ENTREP2: variants seen among roughly 807,000 people sequenced by gnomAD.
ENTREP2 encodes protein ENTREP2.
chr15:29,215,057 C>A, the ENTREP2 span, among the ~76,000 whole-genome samples: 2 of 152,100 alleles, frequency 1.3e-5, no homozygotes. Flanking sequence ...CTCACGATTA[C>A]TGTGTTGCTG....
the ENTREP2 span, among the ~76,000 whole-genome samples, chr15:29,394,031 T>A: frequency 1.3e-5 from 2 of 152,090 alleles, no homozygotes; most frequent in African/African-American, 4.8e-5. Context: ...AAGGATTCCA[T>A]TCACAAAAGC....
the ENTREP2 span, among the ~76,000 whole-genome samples, chr15:29,460,975 T>G: frequency 6.6e-6 from 1 of 152,212 alleles, no homozygotes; most frequent in Admixed American, 6.6e-5. Flanking sequence ...AACAAAAAGC[T>G]TGTCAAGTTA....
At chr15:29,234,315 C>A in the ENTREP2 span, 1 of 1,608,548 alleles carries the variant, frequency 6.2e-7, no homozygotes, top group African/African-American at 1.3e-5. Flanking sequence ...TATATGTAAT[C>A]TGAAGAGTAA....
the ENTREP2 span, among the ~76,000 whole-genome samples, chr15:29,420,651 AAAC>A: frequency 6.3e-3 from 953 of 152,330 alleles, 7 homozygotes; most frequent in Non-Finnish European, 7.2e-3. Flanking sequence ...ATGAAGAAAT[AAAC>A]AACCTAGAGG....
At chr15:29,532,297 T>C in the ENTREP2 span, among the ~76,000 whole-genome samples, 11 of 152,342 alleles carry the variant, frequency 7.2e-5, no homozygotes, top group East Asian at 1.9e-3. Context: ...TTGAAATATA[T>C]TTTACACATA....
the ENTREP2 span, among the ~76,000 whole-genome samples, chr15:29,586,428 T>C: frequency 1.3e-5 from 2 of 152,126 alleles, no homozygotes; most frequent in East Asian, 1.9e-4. Context: ...AAACAATGAA[T>C]TGCGTACACT....
the ENTREP2 span, among the ~76,000 whole-genome samples, chr15:29,445,763 GA>G: frequency 6.6e-6 from 1 of 152,212 alleles, no homozygotes; most frequent in African/African-American, 2.4e-5. Context: ...AGGGAGTTGT[GA>G]GAACCCCAAT....
the ENTREP2 span, chr15:29,128,674 G>A: frequency 9.8e-6 from 8 of 813,984 alleles, no homozygotes; most frequent in Non-Finnish European, 1.7e-5. Context: ...AGTAAGAAAT[G>A]GAGGGAGGAG....
At chr15:29,296,498 C>T in the ENTREP2 span, among the ~76,000 whole-genome samples, 1 of 152,078 alleles carries the variant, frequency 6.6e-6, no homozygotes, top group Non-Finnish European at 1.5e-5. Context: ...TACAAAACTA[C>T]AAAATAACTA....
the ENTREP2 span, among the ~76,000 whole-genome samples, chr15:29,391,252 AC>A: frequency 6.6e-6 from 1 of 150,738 alleles, no homozygotes; most frequent in African/African-American, 2.4e-5. Flanking sequence ...GCAACTTCCA[AC>A]TCACCATTCC....
chr15:29,449,758 C>T, the ENTREP2 span, among the ~76,000 whole-genome samples: 1 of 152,210 alleles, frequency 6.6e-6, no homozygotes. Flanking sequence ...AGGTCCACTT[C>T]ATGGTTTTAA....
the ENTREP2 span, among the ~76,000 whole-genome samples, chr15:29,223,865 T>G: frequency 5.3e-5 from 8 of 152,158 alleles, no homozygotes; most frequent in Non-Finnish European, 1.2e-4. Flanking sequence ...TGGAGAGGGC[T>G]CAGCTGACAG....
the ENTREP2 span, among the ~76,000 whole-genome samples, chr15:29,271,264 A>C: frequency 3.2e-4 from 49 of 152,342 alleles, no homozygotes; most frequent in Middle Eastern, 6.8e-3. Context: ...TACAATGAGA[A>C]AATTCATCTG....
chr15:29,319,990 G>C, the ENTREP2 span, among the ~76,000 whole-genome samples: 1 of 152,154 alleles, frequency 6.6e-6, no homozygotes, highest in Non-Finnish European at 1.5e-5. Context: ...GCTAGTCCTA[G>C]TGACAAATGA....
the ENTREP2 span, among the ~76,000 whole-genome samples, chr15:29,308,468 C>CAGGG: frequency 6.6e-6 from 1 of 152,232 alleles, no homozygotes; most frequent in Admixed American, 6.5e-5. Context: ...AGACTCGGCA[C>CAGGG]AGTGCCACAG....
the ENTREP2 span, chr15:29,234,118 T>C: frequency 7.8e-6 from 12 of 1,530,688 alleles, no homozygotes; most frequent in Non-Finnish European, 1.1e-5. Context: ...TCTGCATCAA[T>C]GACACATTGG....
chr15:29,654,392 T>C, the ENTREP2 span, among the ~76,000 whole-genome samples: 2 of 152,342 alleles, frequency 1.3e-5, no homozygotes, highest in South Asian at 2.1e-4. Flanking sequence ...AATTCATATA[T>C]ATTAAACAAT....
chr15:29,292,528 G>C, the ENTREP2 span, among the ~76,000 whole-genome samples: 1 of 151,978 alleles, frequency 6.6e-6, no homozygotes, highest in South Asian at 2.1e-4. Flanking sequence ...TTACAGGCAC[G>C]TGCCACTACG....
the ENTREP2 span, among the ~76,000 whole-genome samples, chr15:29,629,331 CATTTT>C: frequency 6.6e-6 from 1 of 152,240 alleles, no homozygotes; most frequent in East Asian, 1.9e-4. Context: ...TCAAGTCTAC[CATTTT>C]ATTATTGATC....
Sources: gnomAD v4.1 joint callset for allele counts (sites outside exome capture counted in the v4.1 genomes callset) on GRCh38, gnomAD v4.1.1 for gene constraint, MANE v1.5 for transcripts, NCBI Gene and HGNC (gene_info 2026-07-23, HGNC 2026-07-21) for gene names.